Variants in TACR3 observed in about 807,000 individuals in gnomAD.
TACR3 encodes the protein neuromedin-K receptor.
In TACR3, 34 loss-of-function variants were observed where a neutral mutation model predicts 35.0. The ratio of observed to expected loss-of-function variants is 0.97; its 90% CI spans 0.74 to 1.30. TACR3 has a LOEUF of 1.30. Ranked by LOEUF, TACR3 falls within the 50% of genes most tolerant of loss-of-function variation. TACR3 has a pLI of 0.00. For synonymous variants in TACR3, 233 were observed against 221.1 expected, an observed-to-expected ratio of 1.05 and a Z score of -0.48; for missense variants, 558 against 591.7, an observed-to-expected ratio of 0.94 and a Z score of 0.59.
chr4:103,597,521 T>C (rs1193469612), intron 3 of TACR3, among the ~76,000 whole-genome samples: 1 of 152,114 alleles, frequency 6.6e-6, no homozygotes, highest in Non-Finnish European at 1.5e-5. Flanking sequence ...TTGTTACATA[T>C]GTATACATGT....
At chr4:103,602,118 C>T (rs1724219985) in intron 3 of TACR3, among the ~76,000 whole-genome samples, 1 of 152,140 alleles carries the variant, frequency 6.6e-6, no homozygotes, top group Non-Finnish European at 1.5e-5. Context: ...CTTCTCTTCT[C>T]CCTTCATTTC....
chr4:103,689,484 A>G (rs2110215792), intron 1 of TACR3, among the ~76,000 whole-genome samples: 2 of 152,292 alleles, frequency 1.3e-5, no homozygotes, highest in East Asian at 3.9e-4. Context: ...TCAAAGATAT[A>G]GAAATTACAA....
chr4:103,600,372 G>T (rs1053145824), intron 3 of TACR3, among the ~76,000 whole-genome samples: 1 of 151,934 alleles, frequency 6.6e-6, no homozygotes, highest in Admixed American at 6.6e-5. Flanking sequence ...CTTGCTAGCA[G>T]TCTATCAATC....
At chr4:103,667,743 TAAC>T (rs557714696) in intron 1 of TACR3, among the ~76,000 whole-genome samples, 1 of 152,158 alleles carries the variant, frequency 6.6e-6, no homozygotes, top group Non-Finnish European at 1.5e-5. Context: ...TTAAAAGAAA[TAAC>T]AAAGATTAAA....
chr4:103,614,809 T>A (rs1724597036), intron 3 of TACR3, among the ~76,000 whole-genome samples: 1 of 151,910 alleles, frequency 6.6e-6, no homozygotes, highest in Non-Finnish European at 1.5e-5. Context: ...CATTTTTACT[T>A]CATTTTCATG....
In TACR3 at chr4:103,598,349, A is replaced by G. The variant is rs186874492; in HGVS notation, c.889-6666T>C. On this transcript the variant is annotated intron_variant, in intron 3 of 4. Transcript: ENST00000304883. ...TTTGAGTTCATTTTAGATTCTGGAT[A>G]TTAGCCCTTTGTCAGATAAGTAGGT... is the stretch of plus-strand genomic sequence containing the variant. Among the ~76,000 whole-genome samples, 948 of 152,262 alleles carry G rather than the reference A, an allele frequency of 6.2e-3. 7 individuals carry two copies. Among genetic ancestry groups the G allele is most frequent in the African/African-American group, 0.021 (887 of 41,542 alleles).
intron 3 of TACR3, among the ~76,000 whole-genome samples, chr4:103,640,319 C>CA (rs1299464039): frequency 2.6e-5 from 4 of 151,862 alleles, no homozygotes; most frequent in Non-Finnish European, 5.9e-5. Context: ...CTTTTTTTGG[C>CA]AAAGGAAATC....
At position 103,607,878 on chromosome 4, in the gene TACR3, G is replaced by A. The variant is rs897832143; in HGVS notation, c.889-16195C>T. Among the ~76,000 whole-genome samples the A allele has an allele frequency of 3.3e-5, 5 of 152,158 alleles. 1 individual carries two copies. The highest frequency in any genetic ancestry group is 1.3e-4 in the Admixed American group (2 of 15,260). On this transcript the variant is annotated intron_variant, in intron 3 of 4. Coordinates refer to ENST00000304883, the MANE Select transcript of TACR3 (RefSeq NM_001059.3). ...ACGTGGTCAGAAACATCACTACAGG[G>A]TTTTCCTCTCCTTTAGGAGGGATTG...
intron 3 of TACR3, among the ~76,000 whole-genome samples, chr4:103,625,839 C>A (rs1401235653): frequency 1.3e-5 from 2 of 148,530 alleles, no homozygotes; most frequent in African/African-American, 4.9e-5. Flanking sequence ...AAGATAGGGC[C>A]TTTAAAGAGG....
chr4:103,697,546 T>G (rs1722549818), intron 1 of TACR3, among the ~76,000 whole-genome samples: 1 of 151,996 alleles, frequency 6.6e-6, no homozygotes, highest in African/African-American at 2.4e-5. Context: ...TGCCTCAGCC[T>G]CCGGAGTAAC....
intron 3 of TACR3, among the ~76,000 whole-genome samples, chr4:103,602,566 G>A (rs924054365): frequency 1.5e-4 from 23 of 151,864 alleles, no homozygotes; most frequent in African/African-American, 5.3e-4. Flanking sequence ...ATGGGTTTTT[G>A]ATGTGGATGT....
In TACR3 at chr4:103,596,432, A is replaced by T. The variant is rs189683605; in HGVS notation, c.889-4749T>A. Among the ~76,000 whole-genome samples, 740 of 151,828 alleles carry T rather than the reference A, an allele frequency of 4.9e-3. 3 individuals carry two copies. Among genetic ancestry groups the T allele is most frequent in the African/African-American group, 0.017 (704 of 41,402 alleles). On this transcript the variant is annotated intron_variant, in intron 3 of 4. Coordinates refer to ENST00000304883, the MANE Select transcript of TACR3 (RefSeq NM_001059.3). The stretch of plus-strand genomic sequence containing the variant: ...CACCTGTTGTTTCCTGACTTTTTAA[A>T]GATTGCCATTCTAACTGGTGTGAGA...
chr4:103,589,482 T>G lies in TACR3; in HGVS notation c.*200A>C. 1.8e-6 allele frequency: 1 copy of G among 570,914 alleles called. No individual in the cohort carries two copies. The highest frequency in any genetic ancestry group is 3.1e-6 in the Non-Finnish European group (1 of 327,622). The allele number at this position is 570,914 out of a possible 1,614,324, so 35.4% of individuals were successfully genotyped here. Reference sequence around the variant, plus strand: ...TTTCAAAGAATAAATTTAAAGCCCATTTTATTTTGGGTGGAGGCTAACATG... The same window carrying G: ...TTTCAAAGAATAAATTTAAAGCCCAGTTTATTTTGGGTGGAGGCTAACATG... On this transcript the variant is annotated 3_prime_UTR_variant, in exon 5 of 5. Coordinates refer to ENST00000304883, the MANE Select transcript of TACR3 (RefSeq NM_001059.3).
At chr4:103,607,511 T>C (rs910854057) in intron 3 of TACR3, among the ~76,000 whole-genome samples, 1 of 152,104 alleles carries the variant, frequency 6.6e-6, no homozygotes, top group South Asian at 2.1e-4. Context: ...ATTAAAATAA[T>C]CTTTATTGCT....
At chr4:103,664,574 G>A (rs1418285516) in intron 1 of TACR3, among the ~76,000 whole-genome samples, 1 of 152,094 alleles carries the variant, frequency 6.6e-6, no homozygotes, top group African/African-American at 2.4e-5. Context: ...AGTAGCATAT[G>A]TTCTAGTCTG....
intron 1 of TACR3, among the ~76,000 whole-genome samples, chr4:103,698,340 A>G (rs1025026920): frequency 6.6e-6 from 1 of 152,072 alleles, no homozygotes; most frequent in South Asian, 2.1e-4. Flanking sequence ...TAAATACTCA[A>G]TTTCATAAGT....
intron 3 of TACR3, among the ~76,000 whole-genome samples, chr4:103,628,841 A>ACAAAAAAAT (rs370687152): frequency 1.3e-5 from 2 of 151,120 alleles, no homozygotes; most frequent in Non-Finnish European, 3.0e-5. Flanking sequence ...CAGAGATAAA[A>ACAAAAAAAT]AGAATTTTAG....
chr4:103,590,592 G>A (rs199514419), intron 4 of TACR3, among the ~76,000 whole-genome samples: 1 of 150,432 alleles, frequency 6.6e-6, no homozygotes, highest in African/African-American at 2.4e-5. Flanking sequence ...TGCAATTAGT[G>A]AAAAAAAAAG....
At chr4:103,713,872 A>G (rs1723027806) in intron 1 of TACR3, among the ~76,000 whole-genome samples, 1 of 152,178 alleles carries the variant, frequency 6.6e-6, no homozygotes, top group Non-Finnish European at 1.5e-5. Flanking sequence ...GAAAAGTTGG[A>G]AGCCGAGAGG....
Sources: gnomAD v4.1 joint callset for allele counts (sites outside exome capture counted in the v4.1 genomes callset) on GRCh38, gnomAD v4.1.1 for gene constraint, MANE v1.5 for transcripts, NCBI Gene and HGNC (gene_info 2026-07-23, HGNC 2026-07-21) for gene names.